Variants in NEBL observed in about 807,000 individuals in gnomAD.
NEBL encodes the protein nebulette.
In NEBL, 122 loss-of-function variants were observed where a neutral mutation model predicts 140.2. That is an observed-to-expected ratio of 0.87 (90% CI 0.75 to 1.01). The LOEUF is 1.01. Ranked by LOEUF, NEBL falls within the 50% of genes least tolerant of loss-of-function variation. The probability of loss-of-function intolerance (pLI) is 0.00; values close to 1 mark genes in which losing one functional copy is unlikely to be tolerated. For synonymous variants in NEBL, 436 were observed against 398.9 expected (o/e 1.09, Z -1.11); for missense variants, 1,365 against 1,231.3 (o/e 1.11, Z -1.62).
intron 5 of NEBL, among the ~76,000 whole-genome samples, chr10:20,876,631 T>C (rs117937050): frequency 2.0e-5 from 3 of 152,314 alleles, no homozygotes; most frequent in African/African-American, 4.8e-5. Context: ...TTCTTTCTAA[T>C]ACACATTGAA....
intron 13 of NEBL, 139 bp from the exon 14 acceptor site, chr10:20,835,762 C>T: frequency 1.4e-6 from 1 of 708,868 alleles, no homozygotes; most frequent in South Asian, 1.5e-5. Flanking sequence ...TGAATGATCA[C>T]TCACAACTAA....
intron 3 of NEBL, among the ~76,000 whole-genome samples, chr10:20,999,657 C>T (rs7079443): frequency 0.057 from 8,600 of 152,044 alleles, 747 homozygotes; most frequent in African/African-American, 0.19. Flanking sequence ...TATCCAGGAT[C>T]TATATACCCA....
chr10:21,002,425 T>C (rs891790636), intron 3 of NEBL, among the ~76,000 whole-genome samples: 10 of 152,164 alleles, frequency 6.6e-5, no homozygotes, highest in Non-Finnish European at 1.5e-4. Flanking sequence ...ATGTCAAAGG[T>C]CTGTTAGATG....
At chr10:21,192,917 C>T (rs762692335) in intron 3 of NEBL, among the ~76,000 whole-genome samples, 6 of 151,872 alleles carry the variant, frequency 4.0e-5, no homozygotes, top group Non-Finnish European at 8.8e-5. Context: ...TATACAAACA[C>T]CTTGAATACC....
chr10:20,861,090 A>C (rs970381540), intron 7 of NEBL, among the ~76,000 whole-genome samples: 1 of 152,232 alleles, frequency 6.6e-6, no homozygotes, highest in Non-Finnish European at 1.5e-5. Flanking sequence ...CTTGAAATCA[A>C]TAACAAAATT....
intron 7 of NEBL, among the ~76,000 whole-genome samples, chr10:20,866,229 G>GA (rs1180520651): frequency 5.9e-5 from 9 of 152,060 alleles, no homozygotes; most frequent in African/African-American, 1.9e-4. Flanking sequence ...GGGCGTTGGG[G>GA]AGTTATTATT....
intron 2 of NEBL, among the ~76,000 whole-genome samples, chr10:21,055,369 C>G (rs558723446): frequency 2.0e-5 from 3 of 152,070 alleles, no homozygotes; most frequent in Middle Eastern, 3.4e-3. Context: ...ATTCACGCAC[C>G]CCAAAGGAAA....
intron 3 of NEBL, among the ~76,000 whole-genome samples, chr10:20,964,910 T>A (rs1049313490): frequency 2.6e-5 from 4 of 152,178 alleles, no homozygotes; most frequent in Admixed American, 1.3e-4. Flanking sequence ...CCTTTTACAA[T>A]CAAAAGAATT....
intron 2 of NEBL, among the ~76,000 whole-genome samples, chr10:21,099,008 C>T (rs896273021): frequency 8.5e-5 from 13 of 152,134 alleles, no homozygotes; most frequent in African/African-American, 3.1e-4. Context: ...TGGCACACAC[C>T]TGCGGTCCTA....
At chr10:21,286,120 G>A (rs1372443623) in intron 1 of NEBL, among the ~76,000 whole-genome samples, 1 of 152,104 alleles carries the variant, frequency 6.6e-6, no homozygotes, top group African/African-American at 2.4e-5. Flanking sequence ...ATCTGTGACT[G>A]GATGAATGAA....
rs148789208 is a variant in NEBL at position 20,803,808 on chromosome 10, G to GAAA, written c.2761+4699_2761+4701dup. Among the ~76,000 whole-genome samples the GAAA allele has an allele frequency of 1.5e-3, 210 of 136,304 alleles. 1 individual carries two copies. In the East Asian group the frequency reaches 0.016, roughly 11 times the overall value. 89.4% of individuals were successfully genotyped at this position (136,304 alleles called of 152,430 possible). On this transcript the variant is annotated intron_variant, in intron 26 of 27. Transcript: ENST00000377122. ...CATGGAGACTTCTTTCCTTCTGTACGAAAAATATATATATATATATATATA... is the reference window on the plus strand; with the variant it reads ...CATGGAGACTTCTTTCCTTCTGTACGAAAAAAAATATATATATATATATATATA...
Position 21,075,200 on chromosome 10 carries a change from G to A in NEBL, c.165-54999C>T, listed in dbSNP as rs142776455. 6.2e-4 allele frequency among the ~76,000 whole-genome samples: 95 copies of A among 152,238 alleles called. 1 individual carries two copies. The highest frequency in any genetic ancestry group is 2.0e-3 in the African/African-American group (84 of 41,538). ...TCTGAAACAAGAATGGCAAACCCAC[G>A]GTGGAAACACAATGGTAATATTTTG... On this transcript the variant is annotated intron_variant, in intron 2 of 6. Transcript: ENST00000417816.
intron 8 of NEBL, among the ~76,000 whole-genome samples, chr10:20,859,315 A>G (rs1843418815): frequency 6.6e-6 from 1 of 152,016 alleles, no homozygotes; most frequent in African/African-American, 2.4e-5. Context: ...AAATTTCTAA[A>G]AATTTCTTTA....
At chr10:21,178,845 G>C, upstream of NEBL, among the ~76,000 whole-genome samples, 1 of 152,186 alleles carries the variant, frequency 6.6e-6, no homozygotes, top group East Asian at 1.9e-4. Flanking sequence ...AGAAAGGTAG[G>C]AGGACAAGCA....
At chr10:21,210,442 C>T (rs1186928256) in intron 3 of NEBL, among the ~76,000 whole-genome samples, 1 of 152,040 alleles carries the variant, frequency 6.6e-6, no homozygotes, top group Non-Finnish European at 1.5e-5. Flanking sequence ...CCAAACTCTC[C>T]AGTCCAATAC....
upstream of NEBL, chr10:20,899,260 T>G (rs1208754472): frequency 2.0e-5 from 8 of 392,080 alleles, no homozygotes; most frequent in African/African-American, 1.7e-4. Flanking sequence ...CTTGCAAATT[T>G]CTAGGAGTGT....
chr10:21,196,196 G>A (rs936694521), intron 3 of NEBL, among the ~76,000 whole-genome samples: 2 of 151,824 alleles, frequency 1.3e-5, no homozygotes, highest in Non-Finnish European at 2.9e-5. Flanking sequence ...TAGAGACAGG[G>A]TTTCACCATG....
At chr10:21,226,654 C>T (rs563059990) in intron 3 of NEBL, among the ~76,000 whole-genome samples, 6 of 152,304 alleles carry the variant, frequency 3.9e-5, no homozygotes, top group African/African-American at 1.2e-4. Flanking sequence ...GACAGGGCAG[C>T]ACTGAGTTCC....
intron 4 of NEBL, among the ~76,000 whole-genome samples, chr10:20,955,979 G>T (rs944126416): frequency 6.6e-6 from 1 of 150,936 alleles, no homozygotes; most frequent in Non-Finnish European, 1.5e-5. Context: ...CTCCCCTTTA[G>T]ACAATGCCAT....
Sources: allele counts gnomAD v4.1 joint callset (sites outside exome capture counted in the v4.1 genomes callset), GRCh38; gene constraint gnomAD v4.1.1; transcripts MANE v1.5; gene names NCBI Gene and HGNC (gene_info 2026-07-23, HGNC 2026-07-21).